Variants in PARD3 observed in about 807,000 individuals in gnomAD.
The protein encoded by PARD3 is par-3 family cell polarity regulator, also known as partitioning defective 3 homolog.
A neutral mutation model predicts 155.4 loss-of-function variants in PARD3; 75 were observed. The observed-to-expected ratio is 0.48, with a 90% CI of 0.40 to 0.58. PARD3 has a LOEUF of 0.58. PARD3 is among the 20% of genes least tolerant of loss of function. PARD3 has a pLI of 0.00. For missense variants in PARD3, 1,642 were observed against 1,721.7 expected (o/e 0.95, Z 0.82); for synonymous variants, 576 against 610.5 (o/e 0.94, Z 0.83).
intron 22 of PARD3, among the ~76,000 whole-genome samples, chr10:34,173,320 C>T (rs1463556880): frequency 1.3e-5 from 2 of 152,164 alleles, no homozygotes; most frequent in African/African-American, 4.8e-5. Context: ...AAACCCATGT[C>T]CACGGTACCA....
chr10:34,664,531 C>T (rs1490352705), intron 2 of PARD3, among the ~76,000 whole-genome samples: 1 of 151,788 alleles, frequency 6.6e-6, no homozygotes, highest in Non-Finnish European at 1.5e-5. Flanking sequence ...CTGTGTTGCC[C>T]GGGCTGGAGT....
At chr10:34,420,340 T>C (rs1260589756) in intron 5 of PARD3, among the ~76,000 whole-genome samples, 1 of 152,210 alleles carries the variant, frequency 6.6e-6, no homozygotes, top group African/African-American at 2.4e-5. Context: ...TGAAGAGGGA[T>C]TTCTTTATTC....
intron 7 of PARD3, among the ~76,000 whole-genome samples, chr10:34,385,020 T>G (rs948585533): frequency 6.6e-6 from 1 of 152,236 alleles, no homozygotes; most frequent in Non-Finnish European, 1.5e-5. Context: ...ACTTCATAAC[T>G]GACAGGACAT....
intron 22 of PARD3, among the ~76,000 whole-genome samples, chr10:34,258,990 G>GC (rs1222959538): frequency 6.6e-6 from 1 of 151,992 alleles, no homozygotes; most frequent in Non-Finnish European, 1.5e-5. Flanking sequence ...AAGCGCTTGG[G>GC]CCCAGGAATT....
At chr10:34,525,576 G>T (rs1004241093) in intron 2 of PARD3, among the ~76,000 whole-genome samples, 2 of 152,166 alleles carry the variant, frequency 1.3e-5, no homozygotes, top group Non-Finnish European at 2.9e-5. Context: ...ACAGCATAGT[G>T]TTCTAATCTG....
At chr10:34,467,341 G>T (rs962387337) in intron 4 of PARD3, among the ~76,000 whole-genome samples, 1 of 151,502 alleles carries the variant, frequency 6.6e-6, no homozygotes, top group Non-Finnish European at 1.5e-5. Context: ...GTGTGTGTGT[G>T]TGTGTGTGTG....
At chr10:34,369,846 T>C (rs748241096) in intron 12 of PARD3, among the ~76,000 whole-genome samples, 21 of 152,046 alleles carry the variant, frequency 1.4e-4, no homozygotes, top group Non-Finnish European at 2.4e-4. Flanking sequence ...AAATAGATAA[T>C]CAAAGATTTC....
intron 22 of PARD3, among the ~76,000 whole-genome samples, chr10:34,225,912 T>C (rs1056630589): frequency 5.3e-5 from 8 of 152,148 alleles, no homozygotes; most frequent in African/African-American, 1.9e-4. Flanking sequence ...TAAAAACTTT[T>C]ATACTTCAAA....
chr10:34,617,548 C>T (rs538825205), intron 2 of PARD3, among the ~76,000 whole-genome samples: 1 of 152,256 alleles, frequency 6.6e-6, no homozygotes, highest in Admixed American at 6.5e-5. Flanking sequence ...CCTAATTTGA[C>T]CATTACACAT....
intron 14 of PARD3, among the ~76,000 whole-genome samples, chr10:34,355,454 T>C (rs7096264): frequency 0.11 from 16,396 of 152,176 alleles, 1,769 homozygotes; most frequent in African/African-American, 0.28. Context: ...AAGAATGTGG[T>C]GCCTTGTGAA....
chr10:34,594,210 T>G (rs1487626714), intron 2 of PARD3, among the ~76,000 whole-genome samples: 1 of 152,186 alleles, frequency 6.6e-6, no homozygotes, highest in East Asian at 1.9e-4. Flanking sequence ...AGACTTTCTG[T>G]TCAACCTAAG....
chr10:34,726,493 G>C (rs936073074), intron 1 of PARD3, among the ~76,000 whole-genome samples: 1 of 151,474 alleles, frequency 6.6e-6, no homozygotes. Flanking sequence ...GGCTGAGGCA[G>C]AATCGCTCGA....
intron 1 of PARD3, among the ~76,000 whole-genome samples, chr10:34,761,304 G>A (rs1232689077): frequency 6.6e-6 from 1 of 152,034 alleles, no homozygotes; most frequent in Admixed American, 6.6e-5. Context: ...CCAGCTACTC[G>A]GGAGGCTGAG....
chr10:34,671,282 T>C (rs2093606053), intron 2 of PARD3, among the ~76,000 whole-genome samples: 1 of 152,118 alleles, frequency 6.6e-6, no homozygotes, highest in Non-Finnish European at 1.5e-5. Flanking sequence ...CAGGTTTGAG[T>C]CAGGTAACCC....
intron 2 of PARD3, among the ~76,000 whole-genome samples, chr10:34,528,973 A>C (rs1302847260): frequency 2.0e-5 from 3 of 152,208 alleles, no homozygotes; most frequent in Non-Finnish European, 4.4e-5. Flanking sequence ...ATTATGAAGG[A>C]AAATGACAGA....
intron 1 of PARD3, among the ~76,000 whole-genome samples, chr10:34,812,041 G>A (rs1380375472): frequency 6.6e-6 from 1 of 152,192 alleles, no homozygotes; most frequent in Non-Finnish European, 1.5e-5. Context: ...TGTCACACAT[G>A]ACTAAGCATA....
chr10:34,301,502 A>G (rs1310379619), intron 20 of PARD3, among the ~76,000 whole-genome samples: 1 of 152,138 alleles, frequency 6.6e-6, no homozygotes, highest in African/African-American at 2.4e-5. Context: ...AAGGGGCCTT[A>G]GAACTCTCTC....
chr10:34,800,493 C>A (rs1440921606), intron 1 of PARD3, among the ~76,000 whole-genome samples: 1 of 151,900 alleles, frequency 6.6e-6, no homozygotes, highest in Non-Finnish European at 1.5e-5. Flanking sequence ...CACCTGTAAT[C>A]CCAGCTACTC....
At chr10:34,745,363 A>T (rs866797280) in intron 1 of PARD3, among the ~76,000 whole-genome samples, 3 of 151,840 alleles carry the variant, frequency 2.0e-5, no homozygotes, top group South Asian at 4.2e-4. Flanking sequence ...CCCTATATCT[A>T]CAAAAGATAG....
Sources: allele counts gnomAD v4.1 joint callset (sites outside exome capture counted in the v4.1 genomes callset), GRCh38; gene constraint gnomAD v4.1.1; transcripts MANE v1.5; gene names NCBI Gene and HGNC (gene_info 2026-07-23, HGNC 2026-07-21).